AMZ2: variants seen among roughly 807,000 people sequenced by gnomAD.
AMZ2 encodes archaemetzincin-2.
In AMZ2, 26 loss-of-function variants were observed where a neutral mutation model predicts 36.7. That is an observed-to-expected ratio of 0.71 (90% CI 0.52 to 0.98). AMZ2 has a LOEUF of 0.98. AMZ2 is among the 50% of genes least tolerant of loss of function. The pLI is 0.00. For synonymous variants in AMZ2, 144 were observed against 149.1 expected, an observed-to-expected ratio of 0.97 and a Z score of 0.25; for missense variants, 394 against 430.5, an observed-to-expected ratio of 0.92 and a Z score of 0.75.
chr17:68,233,630 G>T (rs1274759609), intron 1 of AMZ2, among the ~76,000 whole-genome samples: 6 of 152,054 alleles, frequency 3.9e-5, no homozygotes, highest in African/African-American at 1.4e-4. Context: ...AAGCCATTGG[G>T]GTTTTTCTAC....
At chr17:68,250,573 C>T (rs782120728) in intron 2 of AMZ2, 103 bp downstream of exon 2, 6 of 1,424,154 alleles carry the variant, frequency 4.2e-6, no homozygotes, top group Non-Finnish European at 5.7e-6. Flanking sequence ...GTTTTAGGAT[C>T]GTTTTTGATA....
intron 1 of AMZ2, among the ~76,000 whole-genome samples, chr17:68,218,318 G>A (rs1328777325): frequency 1.3e-5 from 2 of 151,920 alleles, no homozygotes; most frequent in African/African-American, 2.4e-5. Flanking sequence ...TTCTGTCACT[G>A]TCCATTCTAA....
rs2073776376 is a variant in AMZ2 at position 68,235,911 on chromosome 17, C to G, written c.-66-12729C>G. Among the ~76,000 whole-genome samples the G allele has an allele frequency of 6.6e-6, 1 of 152,074 alleles. No individual in the cohort carries two copies. The highest frequency in any genetic ancestry group is 6.6e-5 in the Admixed American group (1 of 15,258). On this transcript the variant is annotated intron_variant, in intron 1 of 7. Transcript: ENST00000674770. This position sits in a 1 kb window ranked among gnomAD's most constrained non-coding sequence, Gnocchi z 4.2. ...GTGGCACAATCTTGGCTCACTGCAA[C>G]CTCCATCTCCCGGGCTCAAGCGATT...
At chr17:68,231,095 C>A (rs114357982) in intron 1 of AMZ2, among the ~76,000 whole-genome samples, 8,935 of 151,038 alleles carry the variant, frequency 0.059, 475 homozygotes, top group Admixed American at 0.13. Context: ...ACCGGGTCTC[C>A]CTTTGTCGTC....
At chr17:68,214,052 T>G (rs1217755130) in intron 1 of AMZ2, among the ~76,000 whole-genome samples, 2 of 151,690 alleles carry the variant, frequency 1.3e-5, no homozygotes, top group Non-Finnish European at 2.9e-5. Context: ...TTTTTTCTCC[T>G]CTGTGCATGG....
rs1555728413 is a variant in AMZ2, at chr17:68,221,211, C to CCCG, written c.-67+14975_-67+14976insGCC. The stretch of plus-strand genomic sequence containing the variant: ...ATCTTCCTGCCTCAGCCCTCAGCTC[C>CCCG]CCCCCCCGCCCCCCCGGTAGCTAGG... On this transcript the variant is annotated intron_variant, in intron 1 of 7. Coordinates refer to the AMZ2 transcript ENST00000674770. 6.9e-4 allele frequency among the ~76,000 whole-genome samples: 58 copies of CCCG among 83,830 alleles called. 1 individual carries two copies. The East Asian group carries it at 8.6e-3, about 12-fold the overall frequency. The allele number at this position is 83,830 out of a possible 152,430, so 55.0% of individuals were successfully genotyped here.
chr17:68,245,682 T>G (rs1412368590), upstream of AMZ2, among the ~76,000 whole-genome samples: 2 of 152,184 alleles, frequency 1.3e-5, no homozygotes, highest in African/African-American at 4.8e-5. Flanking sequence ...TTTTAATGAA[T>G]ACCAAAAAAC....
At chr17:68,210,656 G>C (rs1184420791) in intron 1 of AMZ2, among the ~76,000 whole-genome samples, 1 of 152,152 alleles carries the variant, frequency 6.6e-6, no homozygotes, top group Non-Finnish European at 1.5e-5. Context: ...ACTTAAAAAT[G>C]GTTAGAGACA....
At chr17:68,225,457 TCTC>T (rs1251724087) in intron 1 of AMZ2, among the ~76,000 whole-genome samples, 3 of 152,148 alleles carry the variant, frequency 2.0e-5, no homozygotes, top group Non-Finnish European at 2.9e-5. Context: ...AGAATTCAGC[TCTC>T]CTCTATTTTT....
intron 1 of AMZ2, among the ~76,000 whole-genome samples, chr17:68,217,132 T>G (rs555832925): frequency 6.6e-6 from 1 of 152,190 alleles, no homozygotes; most frequent in East Asian, 1.9e-4. Context: ...TCCTGATATA[T>G]CAGTATCAAT....
At chr17:68,222,016 G>T (rs1202287582) in intron 1 of AMZ2, among the ~76,000 whole-genome samples, 1 of 152,362 alleles carries the variant, frequency 6.6e-6, no homozygotes, top group South Asian at 2.1e-4. Context: ...GGAAAAGCAA[G>T]ATAGCTGAGC....
At chr17:68,248,962 C>T in intron 1 of AMZ2, 1 of 765,694 alleles carries the variant, frequency 1.3e-6, no homozygotes. Context: ...GAAAATATGA[C>T]AAAGATGATC....
chr17:68,212,200 C>G (rs1370736074), intron 1 of AMZ2, among the ~76,000 whole-genome samples: 12 of 152,138 alleles, frequency 7.9e-5, no homozygotes, highest in Non-Finnish European at 1.8e-4. Context: ...TCGACACCCC[C>G]TTTTCTACAA....
chr17:68,236,323 A>G lies in AMZ2; in HGVS notation c.-66-12317A>G, dbSNP rs1555732527. Among the ~76,000 whole-genome samples, 25 of 152,076 alleles carry G rather than the reference A, an allele frequency of 1.6e-4. 1 individual carries two copies. On this transcript the variant is annotated intron_variant, in intron 1 of 7. Coordinates refer to the AMZ2 transcript ENST00000674770. Reference sequence around the variant, plus strand: ...ACTATGTAAATTTATATATAAAACTATAACATATGAACATGATATTATACT... The same window carrying G: ...ACTATGTAAATTTATATATAAAACTGTAACATATGAACATGATATTATACT...
At chr17:68,237,718 T>G (rs782331519) in intron 1 of AMZ2, among the ~76,000 whole-genome samples, 1 of 152,040 alleles carries the variant, frequency 6.6e-6, no homozygotes, top group Non-Finnish European at 1.5e-5. Flanking sequence ...AAAAAAGCCT[T>G]GAGGGGTCCC....
chr17:68,221,934 G>A (rs1331457214), intron 1 of AMZ2, among the ~76,000 whole-genome samples: 2 of 152,184 alleles, frequency 1.3e-5, no homozygotes, highest in Admixed American at 1.3e-4. Flanking sequence ...GACCTCAGCG[G>A]TATTACAGTA....
intron 1 of AMZ2, among the ~76,000 whole-genome samples, chr17:68,225,844 G>A (rs1231281563): frequency 7.9e-5 from 12 of 152,118 alleles, no homozygotes; most frequent in African/African-American, 2.4e-4. Context: ...GGCCGGTCTC[G>A]AACTCCTGGC....
intron 1 of AMZ2, chr17:68,249,025 A>G (rs1660800834): frequency 8.7e-7 from 1 of 1,152,618 alleles, no homozygotes; most frequent in Non-Finnish European, 1.1e-6. Flanking sequence ...GTGGTGGAAC[A>G]TCGGACCCAT....
intron 1 of AMZ2, among the ~76,000 whole-genome samples, chr17:68,236,939 T>C (rs16972838): frequency 0.16 from 24,129 of 152,130 alleles, 2,026 homozygotes; most frequent in East Asian, 0.3. Flanking sequence ...CTTCAAATTA[T>C]ATATACACTG....
Sources: gnomAD v4.1 joint callset for allele counts (sites outside exome capture counted in the v4.1 genomes callset) on GRCh38, gnomAD v4.1.1 for gene constraint, Gnocchi (gnomAD v3.1) non-coding constraint, MANE v1.5 for transcripts, NCBI Gene and HGNC (gene_info 2026-07-23, HGNC 2026-07-21) for gene names.